The following SYT9 variants were observed in gnomAD, a reference collection of about 807,000 sequenced individuals.
The protein encoded by SYT9 is synaptotagmin-9.
SYT9 carries 22 observed loss-of-function variants against 48.4 expected under a neutral mutation model. That is an observed-to-expected ratio of 0.45 (90% CI 0.32 to 0.65). The LOEUF (loss-of-function observed/expected upper bound fraction) is 0.65, where lower values mean the gene tolerates loss of function less well. Ranked by LOEUF, SYT9 falls within the 30% of genes least tolerant of loss-of-function variation. SYT9 has a pLI of 0.03. For missense variants in SYT9, 577 were observed against 622.0 expected (o/e 0.93, Z 0.77); for synonymous variants, 265 against 245.0 (o/e 1.08, Z -0.76).
At chr11:7,263,427 A>C (rs572599604) in intron 1 of SYT9, among the ~76,000 whole-genome samples, 2 of 152,304 alleles carry the variant, frequency 1.3e-5, no homozygotes, top group East Asian at 1.9e-4. Flanking sequence ...GCATTATCAT[A>C]CTAGGGATTA....
intron 3 of SYT9, among the ~76,000 whole-genome samples, chr11:7,401,328 A>G (rs1846889353): frequency 1.3e-5 from 2 of 150,716 alleles, no homozygotes; most frequent in African/African-American, 2.4e-5. Context: ...ATACATATAT[A>G]TCATATATAA....
At chr11:7,369,472 C>T (rs1850314909) in intron 3 of SYT9, among the ~76,000 whole-genome samples, 4 of 152,028 alleles carry the variant, frequency 2.6e-5, no homozygotes, top group African/African-American at 9.7e-5. Flanking sequence ...TGTAAAAGCT[C>T]TTTAGTTTAA....
At position 7,450,063 on chromosome 11, in the gene SYT9, C is replaced by T. The variant is rs151286370; in HGVS notation, c.1468-16729C>T. ...TAATAATCCAATGTTACATTTTCTA[C>T]TCTATCCAGACCACTGTGCTCAGTG... is the stretch of plus-strand genomic sequence containing the variant. On this transcript the variant is annotated intron_variant, in intron 6 of 6. Coordinates refer to ENST00000318881, the MANE Select transcript of SYT9 (RefSeq NM_175733.4). Among the ~76,000 whole-genome samples, 12 of 152,310 alleles carry T rather than the reference C, an allele frequency of 7.9e-5. No homozygotes were observed. The East Asian group carries it at 2.3e-3, about 29-fold the overall frequency.
intron 3 of SYT9, among the ~76,000 whole-genome samples, chr11:7,411,424 A>G (rs2134089892): frequency 6.6e-6 from 1 of 152,282 alleles, no homozygotes; most frequent in African/African-American, 2.4e-5. Context: ...TTCTAGGGCC[A>G]GTCTAGTGGT....
Position 7,294,193 on chromosome 11 carries a change from C to T in SYT9, c.146-8846C>T, listed in dbSNP as rs182607695. On this transcript the variant is annotated intron_variant, in intron 1 of 6. Coordinates refer to ENST00000318881, the MANE Select transcript of SYT9 (RefSeq NM_175733.4). ...ATTACTTAATCATCTCCCAAAGGCT[C>T]CACCTCCTAATACCATTATATTGGA... is the stretch of plus-strand genomic sequence containing the variant. Among the ~76,000 whole-genome samples the T allele has an allele frequency of 4.5e-3, 688 of 152,224 alleles. 5 individuals carry two copies. The highest frequency in any genetic ancestry group is 0.015 in the African/African-American group (623 of 41,528).
At chr11:7,421,166 G>C (rs1847348163) in intron 6 of SYT9, among the ~76,000 whole-genome samples, 1 of 152,144 alleles carries the variant, frequency 6.6e-6, no homozygotes, top group Non-Finnish European at 1.5e-5. Context: ...AAAAAGTCTA[G>C]AGGAAGGCAG....
intron 3 of SYT9, among the ~76,000 whole-genome samples, chr11:7,382,694 A>G (rs1463622742): frequency 6.6e-6 from 1 of 152,212 alleles, no homozygotes; most frequent in Non-Finnish European, 1.5e-5. Flanking sequence ...GTTGACCGTA[A>G]GGAGCTTTGC....
chr11:7,394,338 C>T (rs1186778807), intron 3 of SYT9, among the ~76,000 whole-genome samples: 1 of 152,166 alleles, frequency 6.6e-6, no homozygotes, highest in Non-Finnish European at 1.5e-5. Flanking sequence ...ATATGTGCCA[C>T]ATTTTCTTAA....
intron 1 of SYT9, among the ~76,000 whole-genome samples, chr11:7,245,228 A>C (rs1385087416): frequency 2.0e-5 from 3 of 152,194 alleles, no homozygotes; most frequent in Non-Finnish European, 4.4e-5. Flanking sequence ...CCTCATCTGT[A>C]AATGTAAAAT....
intron 3 of SYT9, among the ~76,000 whole-genome samples, chr11:7,378,731 G>C (rs1850501721): frequency 1.3e-5 from 2 of 152,226 alleles, no homozygotes; most frequent in African/African-American, 4.8e-5. Flanking sequence ...ATACTACTGA[G>C]AATGTTGGCT....
chr11:7,304,373 A>G (rs1025825757), intron 2 of SYT9, among the ~76,000 whole-genome samples: 4 of 152,258 alleles, frequency 2.6e-5, no homozygotes, highest in African/African-American at 7.2e-5. Flanking sequence ...TTTCAGGAAA[A>G]GAGACTCAGG....
At chr11:7,456,623 T>C (rs538707738) in intron 6 of SYT9, among the ~76,000 whole-genome samples, 3 of 152,386 alleles carry the variant, frequency 2.0e-5, no homozygotes, top group African/African-American at 7.2e-5. Context: ...TTAGGGTCAG[T>C]TGAGAGTGGG....
rs567812209 is a variant in SYT9 at position 7,303,141 on chromosome 11, G to A, written c.248G>A (p.Arg83Gln). The change falls in exon 2 of 7, where the codon CGA (arginine) becomes CAA (glutamine). Residue 83 changes from arginine to glutamine, a missense_variant. By Grantham distance (43) the Arg-to-Gln change is conservative. Coordinates refer to ENST00000318881, the MANE Select transcript of SYT9 (RefSeq NM_175733.4). ...TGGAAACTCTGCTGGGTTCCGTGGCGAGAACGAGGCCTGCCCTCTGGTAGC... is the reference window on the plus strand; with the variant it reads ...TGGAAACTCTGCTGGGTTCCGTGGCAAGAACGAGGCCTGCCCTCTGGTAGC... ...VSWKLCWVPWRERGLPSGSKD... is the reference protein window; with the variant it reads ...VSWKLCWVPWQERGLPSGSKD... 6.8e-6 allele frequency: 11 copies of A among 1,614,122 alleles called. No homozygotes were observed. Among genetic ancestry groups the A allele is most frequent in the Admixed American group, 3.3e-5 (2 of 60,016 alleles).
intron 2 of SYT9, among the ~76,000 whole-genome samples, chr11:7,308,199 G>T (rs1849067221): frequency 6.6e-6 from 1 of 152,146 alleles, no homozygotes. Context: ...TCCCTGCCTT[G>T]ACTTGAACAT....
intron 3 of SYT9, among the ~76,000 whole-genome samples, chr11:7,383,468 C>G (rs1217466399): frequency 6.6e-6 from 1 of 152,142 alleles, no homozygotes; most frequent in East Asian, 1.9e-4. Flanking sequence ...TCCAAGGACC[C>G]TCGAAACTTT....
chr11:7,238,955 C>A, intron 1 of SYT9: 1 of 455,914 alleles, frequency 2.2e-6, no homozygotes. Flanking sequence ...CCATCTCTGT[C>A]CCTGTGGATG....
At chr11:7,448,475 C>T (rs1411830739) in intron 6 of SYT9, among the ~76,000 whole-genome samples, 2 of 152,258 alleles carry the variant, frequency 1.3e-5, no homozygotes, top group Non-Finnish European at 2.9e-5. Flanking sequence ...GGGGTAGCAG[C>T]ACACACCTCC....
At chr11:7,403,697 C>G (rs1289419876) in intron 3 of SYT9, among the ~76,000 whole-genome samples, 1 of 151,878 alleles carries the variant, frequency 6.6e-6, no homozygotes, top group African/African-American at 2.4e-5. Context: ...TTGAAATTCT[C>G]AAATTTAAAT....
intron 1 of SYT9, among the ~76,000 whole-genome samples, chr11:7,283,538 T>G (rs1445176678): frequency 6.6e-6 from 1 of 152,172 alleles, no homozygotes; most frequent in Admixed American, 6.5e-5. Flanking sequence ...AACATTACCC[T>G]TTGTCAAAAG....
Sources: gnomAD v4.1 joint callset for allele counts (sites outside exome capture counted in the v4.1 genomes callset) on GRCh38, gnomAD v4.1.1 for gene constraint, MANE v1.5 for transcripts, NCBI Gene and HGNC (gene_info 2026-07-23, HGNC 2026-07-21) for gene names.